Variants in HERC4 observed in about 807,000 individuals in gnomAD.
HERC4 encodes HECT and RLD domain containing E3 ubiquitin protein ligase 4.
Under a neutral mutation model 124.3 loss-of-function variants are expected in HERC4, and 28 were observed. The observed-to-expected ratio is 0.23, with a 90% CI of 0.17 to 0.31. The LOEUF is 0.31. HERC4 is among the 10% of genes least tolerant of loss of function. The pLI is 1.00. For synonymous variants in HERC4, 407 were observed against 421.5 expected (o/e 0.97, Z 0.42); for missense variants, 713 against 1,229.3 (o/e 0.58, Z 6.28).
At position 67,982,535 on chromosome 10, in the gene HERC4, T is replaced by C. The variant is rs143999408; in HGVS notation, c.1806+6128A>G. Among the ~76,000 whole-genome samples, 447 of 152,146 alleles carry C rather than the reference T, an allele frequency of 2.9e-3. 1 individual carries two copies. The highest frequency in any genetic ancestry group is 0.01 in the African/African-American group (435 of 41,524). On this transcript the variant is annotated intron_variant, in intron 15 of 24. Transcript: ENST00000373700. ...ACTATGAAACTACTTAAGAAAACATTAGGGGAAACTCTCCAGGACATTGGT... is the reference window on the plus strand; with the variant it reads ...ACTATGAAACTACTTAAGAAAACATCAGGGGAAACTCTCCAGGACATTGGT...
At chr10:68,003,859 C>A (rs545366963) in intron 9 of HERC4, among the ~76,000 whole-genome samples, 22 of 152,146 alleles carry the variant, frequency 1.4e-4, no homozygotes, top group African/African-American at 4.1e-4. Flanking sequence ...GATTTCCTTT[C>A]TTTTGGGTGT....
At chr10:67,949,374 C>T (rs1179031308) in intron 19 of HERC4, among the ~76,000 whole-genome samples, 1 of 152,126 alleles carries the variant, frequency 6.6e-6, no homozygotes, top group South Asian at 2.1e-4. Flanking sequence ...AGAATTAACA[C>T]CAATTCTCAA....
intron 9 of HERC4, among the ~76,000 whole-genome samples, chr10:68,006,478 T>C (rs1444086215): frequency 6.6e-6 from 1 of 151,852 alleles, no homozygotes; most frequent in African/African-American, 2.4e-5. Context: ...TTCAAGCAAT[T>C]CTCCTGTCTC....
intron 3 of HERC4, among the ~76,000 whole-genome samples, chr10:68,059,527 T>TATATAAC (rs2040758570): frequency 1.6e-5 from 2 of 122,946 alleles, no homozygotes; most frequent in Admixed American, 1.0e-4. Flanking sequence ...ATCATAATAA[T>TATATAAC]ATTATATATC....
In HERC4 at chr10:68,025,682, A is replaced by G. The variant is rs1442613366; in HGVS notation, c.778-6T>C. ...AAAGTAAACACTCCACCTTCCTAAA[A>G]AAAGACAAAACCCCTTATCATTAGA... On this transcript the variant is annotated splice_region_variant and splice_polypyrimidine_tract_variant and intron_variant, in intron 7 of 24. Coordinates refer to ENST00000373700, the MANE Select transcript of HERC4 (RefSeq NM_015601.4). 1.9e-6 allele frequency: 3 copies of G among 1,608,214 alleles called. No homozygotes were observed. The Admixed American group carries it at 5.1e-5, about 27-fold the overall frequency.
rs1360897295 is a variant in HERC4, at chr10:67,925,082, T to C, written c.2941+3A>G. On this transcript the variant is annotated splice_donor_region_variant and intron_variant, in intron 24 of 24. Transcript: ENST00000373700. ...AAGTATACAACTAGTTAGAAATACT[T>C]ACACAGAAACTGTTTCTTCTTTTCC... 1 of 1,492,586 alleles carries C rather than the reference T, an allele frequency of 6.7e-7. No individual in the cohort carries two copies. The highest frequency in any genetic ancestry group is 1.1e-5 in the South Asian group (1 of 88,114). The allele number at this position is 1,492,586 out of a possible 1,614,324, so 92.5% of individuals were successfully genotyped here. A position where few individuals can be genotyped will look rare whatever the true frequency, so the allele number is the denominator to read the frequency against.
At chr10:67,930,202 G>C (rs1438862787) in intron 23 of HERC4, among the ~76,000 whole-genome samples, 2 of 151,900 alleles carry the variant, frequency 1.3e-5, no homozygotes, top group Non-Finnish European at 2.9e-5. Flanking sequence ...CATCTAAGTT[G>C]TTTCCAGTTT....
intron 3 of HERC4, among the ~76,000 whole-genome samples, chr10:68,047,287 T>C (rs560523): frequency 0.53 from 80,633 of 151,432 alleles, 25,444 homozygotes; most frequent in African/African-American, 0.86. Flanking sequence ...AGAAATGGCC[T>C]GTGGAGAAAT....
chr10:68,006,374 T>C (rs1241450549), intron 9 of HERC4, among the ~76,000 whole-genome samples: 1 of 147,972 alleles, frequency 6.8e-6, no homozygotes, highest in Non-Finnish European at 1.5e-5. Flanking sequence ...TTTTTGTTTT[T>C]GTTTTTTTTT....
chr10:67,992,282 T>C lies in HERC4; in HGVS notation c.1188A>G (p.Thr396=). Reference sequence around the variant, plus strand: ...CTTCATTCACTGTCCAGATCTGCTTTGTCGGATTGGGACATCTGAAGTCAT... The same window carrying C: ...CTTCATTCACTGTCCAGATCTGCTTCGTCGGATTGGGACATCTGAAGTCAT... ...PPDDFRCPNP[T]KQIWTVNEAL... is the part of the protein sequence containing the mutation. The change falls in exon 11 of 25, where the codon ACA becomes ACG. Residue 396 remains threonine (T), a synonymous_variant. Transcript: ENST00000373700. 3.7e-6 allele frequency: 6 copies of C among 1,614,064 alleles called. No homozygotes were observed. The highest frequency in any genetic ancestry group is 5.1e-6 in the Non-Finnish European group (6 of 1,179,904).
chr10:68,044,371 TG>T (rs2039916439), intron 4 of HERC4, 32 bp downstream of exon 4: 1 of 1,574,046 alleles, frequency 6.4e-7, no homozygotes, highest in Admixed American at 2.0e-5. Context: ...TTTAAAAGAT[TG>T]TTAAGGACCT....
chr10:67,942,084 G>A (rs2032960181), intron 19 of HERC4, among the ~76,000 whole-genome samples: 1 of 152,084 alleles, frequency 6.6e-6, no homozygotes, highest in South Asian at 2.1e-4. Context: ...CACTGAAAAT[G>A]TTTATTTTTT....
intron 15 of HERC4, among the ~76,000 whole-genome samples, chr10:67,968,602 C>T (rs1381218820): frequency 2.0e-5 from 3 of 152,014 alleles, no homozygotes; most frequent in Non-Finnish European, 2.9e-5. Flanking sequence ...GTCTCAATCT[C>T]CTGACCTCGT....
chr10:67,949,788 C>T (rs1478991286), intron 19 of HERC4, among the ~76,000 whole-genome samples: 1 of 152,098 alleles, frequency 6.6e-6, no homozygotes, highest in Non-Finnish European at 1.5e-5. Context: ...GTGGCTGAGG[C>T]AGGTGGATCA....
At chr10:67,924,794 C>T (rs2030690068) in intron 24 of HERC4, among the ~76,000 whole-genome samples, 1 of 152,146 alleles carries the variant, frequency 6.6e-6, no homozygotes, top group African/African-American at 2.4e-5. Context: ...TTTTAGAAAT[C>T]TAAAAGGAAT....
At chr10:68,015,876 G>A (rs2038231778) in intron 8 of HERC4, among the ~76,000 whole-genome samples, 1 of 152,160 alleles carries the variant, frequency 6.6e-6, no homozygotes. Context: ...ACCGAGGCAG[G>A]TGGATCACTT....
intron 4 of HERC4, among the ~76,000 whole-genome samples, chr10:68,043,803 G>A (rs553484912): frequency 1.9e-4 from 29 of 152,254 alleles, no homozygotes; most frequent in Non-Finnish European, 3.4e-4. Context: ...GCAACAGTGC[G>A]AGACTCTGTC....
chr10:68,069,709 T>C, intron 3 of HERC4: 1 of 985,438 alleles, frequency 1.0e-6, no homozygotes, highest in Admixed American at 6.1e-5. Flanking sequence ...CAATTCTTAG[T>C]TCCCTCCATT....
intron 16 of HERC4, among the ~76,000 whole-genome samples, chr10:67,957,614 T>C (rs2034225867): frequency 6.6e-6 from 1 of 152,156 alleles, no homozygotes; most frequent in African/African-American, 2.4e-5. Context: ...TGCAGTAAAA[T>C]ATAAAGAGTT....
Sources: gnomAD v4.1 joint callset for allele counts (sites outside exome capture counted in the v4.1 genomes callset) on GRCh38, gnomAD v4.1.1 for gene constraint, MANE v1.5 for transcripts, NCBI Gene and HGNC (gene_info 2026-07-23, HGNC 2026-07-21) for gene names.